Variants in CELF2 observed in about 807,000 individuals in gnomAD.
The protein encoded by CELF2 is CUGBP Elav-like family member 2, also known as CUG triplet repeat RNA-binding protein 2.
A neutral mutation model predicts 62.6 loss-of-function variants in CELF2; 8 were observed. The ratio of observed to expected loss-of-function variants is 0.13; its 90% CI spans 0.07 to 0.23. CELF2 has a LOEUF of 0.23. Among genes scored for constraint, CELF2 ranks in the 10% least tolerant of loss-of-function variants. The pLI is 1.00. For synonymous variants in CELF2, 258 were observed against 250.0 expected, an observed-to-expected ratio of 1.03 and a Z score of -0.30; for missense variants, 333 against 671.0, an observed-to-expected ratio of 0.50 and a Z score of 5.56.
chr10:10,886,534 T>C (rs1195171364), intron 1 of CELF2, among the ~76,000 whole-genome samples: 1 of 152,088 alleles, frequency 6.6e-6, no homozygotes, highest in East Asian at 1.9e-4. Flanking sequence ...TGAACGTGTA[T>C]GTGCATTAAA....
the CELF2 span, among the ~76,000 whole-genome samples, chr10:10,758,068 C>G: frequency 3.3e-5 from 5 of 152,172 alleles, no homozygotes; most frequent in African/African-American, 1.2e-4. Flanking sequence ...TGCAGATTTT[C>G]ATTTTGAACT....
chr10:11,093,765 T>A (rs377660536), intron 1 of CELF2, among the ~76,000 whole-genome samples: 2 of 152,222 alleles, frequency 1.3e-5, no homozygotes, highest in South Asian at 4.1e-4. Flanking sequence ...AAATTGTCTA[T>A]GTAATCTCAG....
In CELF2 at chr10:11,260,805, A is replaced by G. The variant is rs966284118; in HGVS notation, c.538+2933A>G. Among the ~76,000 whole-genome samples, 2 of 152,168 alleles carry G rather than the reference A, an allele frequency of 1.3e-5. No individual in the cohort carries two copies. Among genetic ancestry groups the G allele is most frequent in the South Asian group, 2.1e-4 (1 of 4,836 alleles). On this transcript the variant is annotated intron_variant, in intron 5 of 12. Coordinates refer to ENST00000633077, the MANE Select transcript of CELF2 (RefSeq NM_001326342.2). This position sits in a 1 kb window ranked among gnomAD's most constrained non-coding sequence, Gnocchi z 4.2. Reference sequence around the variant, plus strand: ...GACAGTGGTACTTTTTTCAATTCGCAGGACCCAGGGACTCCTGGCTACAGG... The same window carrying G: ...GACAGTGGTACTTTTTTCAATTCGCGGGACCCAGGGACTCCTGGCTACAGG...
chr10:11,056,665 T>G (rs1311304511), intron 1 of CELF2, among the ~76,000 whole-genome samples: 3 of 152,204 alleles, frequency 2.0e-5, no homozygotes, highest in East Asian at 3.8e-4. Context: ...GATTTATTTC[T>G]TGGTAGAAAT....
rs74115809 is a variant in CELF2 at position 11,260,983 on chromosome 10, C to T, written c.538+3111C>T. ...AAAGGGCATTCAGCATTTCTGTTCT[C>T]AGCGTCTATTGCTGGCTCAGCTGTT... On this transcript the variant is annotated intron_variant, in intron 5 of 12. Transcript: ENST00000633077. This position sits in a 1 kb window ranked among gnomAD's most constrained non-coding sequence, Gnocchi z 4.2. Among the ~76,000 whole-genome samples, 5,891 of 152,298 alleles carry T rather than the reference C, an allele frequency of 0.039. 412 individuals are homozygous for T. The highest frequency in any genetic ancestry group is 0.13 in the African/African-American group (5,595 of 41,532).
At chr10:10,864,823 T>G (rs1334257719) in intron 1 of CELF2, among the ~76,000 whole-genome samples, 2 of 152,178 alleles carry the variant, frequency 1.3e-5, no homozygotes, top group Admixed American at 6.5e-5. Context: ...TCACACTACT[T>G]CATGTGTCAT....
chr10:11,094,026 G>A (rs1318498271), intron 1 of CELF2, among the ~76,000 whole-genome samples: 1 of 152,100 alleles, frequency 6.6e-6, no homozygotes, highest in African/African-American at 2.4e-5. Flanking sequence ...CACAACAGTC[G>A]ATATGAGTTC....
intron 1 of CELF2, among the ~76,000 whole-genome samples, chr10:11,054,958 A>C (rs1033064838): frequency 6.6e-6 from 1 of 152,118 alleles, no homozygotes; most frequent in African/African-American, 2.4e-5. Context: ...CAGATGATCC[A>C]CCTGCCTCGG....
the CELF2 span, among the ~76,000 whole-genome samples, chr10:10,609,205 C>T: frequency 0.094 from 14,355 of 152,156 alleles, 980 homozygotes; most frequent in East Asian, 0.2. Context: ...TTAGCCAAGG[C>T]CACATGTGTT....
the CELF2 span, among the ~76,000 whole-genome samples, chr10:10,747,081 C>G: frequency 6.6e-6 from 1 of 152,104 alleles, no homozygotes; most frequent in Admixed American, 6.5e-5. Context: ...AAGATTTTTT[C>G]AAGGATAGGA....
chr10:11,091,836 A>G (rs1423928507), intron 1 of CELF2, among the ~76,000 whole-genome samples: 1 of 152,232 alleles, frequency 6.6e-6, no homozygotes, highest in Non-Finnish European at 1.5e-5. Context: ...TCAATCAAAT[A>G]CAGAATGAAC....
chr10:11,198,030 C>G (rs565768221), intron 2 of CELF2, among the ~76,000 whole-genome samples: 45 of 152,286 alleles, frequency 3.0e-4, no homozygotes, highest in African/African-American at 9.1e-4. Context: ...CAACATTAAC[C>G]AGTGATTTAT....
the CELF2 span, among the ~76,000 whole-genome samples, chr10:10,487,660 A>G: frequency 6.6e-6 from 1 of 152,130 alleles, no homozygotes; most frequent in Non-Finnish European, 1.5e-5. Flanking sequence ...TGCATATTTG[A>G]GAAGATGTTG....
intron 1 of CELF2, among the ~76,000 whole-genome samples, chr10:11,009,318 T>C (rs1451891163): frequency 7.7e-6 from 1 of 129,176 alleles, no homozygotes; most frequent in Non-Finnish European, 1.6e-5. Flanking sequence ...AGATGGAAGT[T>C]GTGTGTGTGT....
At position 10,915,096 on chromosome 10, in the gene CELF2, C is replaced by T. The variant is rs371906204; in HGVS notation, c.54-4868C>T. ...GCAGTGAGCCAAGGTCACACCATTG[C>T]ACTCCAGCGTGGGCGACAGAGTGAA... is the stretch of plus-strand genomic sequence containing the variant. On this transcript the variant is annotated intron_variant, in intron 1 of 13. Coordinates refer to the CELF2 transcript ENST00000636488. 8.7e-5 allele frequency among the ~76,000 whole-genome samples: 13 copies of T among 149,738 alleles called. No homozygotes were observed. In the South Asian group the frequency reaches 1.5e-3, roughly 17 times the overall value.
rs1041981000 is a variant in CELF2, at chr10:11,329,230, C to T, written c.*177C>T. The T allele has an allele frequency of 1.0e-5, 5 of 482,310 alleles. No homozygotes were observed. In the Admixed American group the frequency reaches 1.2e-4, roughly 12 times the overall value. The allele number at this position is 482,310 out of a possible 1,614,324, so 29.9% of individuals were successfully genotyped here. A position where few individuals can be genotyped will look rare whatever the true frequency, so the allele number is the denominator to read the frequency against. ...CACCCACTTCCCCTACCCAGTTTGCCATAATTAAAACTTGGGCTACTTTGT... is the reference window on the plus strand; with the variant it reads ...CACCCACTTCCCCTACCCAGTTTGCTATAATTAAAACTTGGGCTACTTTGT... On this transcript the variant is annotated 3_prime_UTR_variant, in exon 13 of 13. Coordinates refer to ENST00000633077, the MANE Select transcript of CELF2 (RefSeq NM_001326342.2). The surrounding 1 kb of genome is among the most constrained non-coding windows in gnomAD (Gnocchi z 5.5).
At chr10:11,104,933 A>C (rs1416013916) in intron 1 of CELF2, among the ~76,000 whole-genome samples, 3 of 152,176 alleles carry the variant, frequency 2.0e-5, no homozygotes. Context: ...ACTGAGCTGC[A>C]GGGGCAGCTG....
rs1476934986 is a variant in CELF2, at chr10:11,191,044, A to G, written c.271+25362A>G. Among the ~76,000 whole-genome samples, 1 of 152,196 alleles carries G rather than the reference A, an allele frequency of 6.6e-6. No individual in the cohort carries two copies. The highest frequency in any genetic ancestry group is 6.5e-5 in the Admixed American group (1 of 15,286). ...TCATGGACATCCTGGTCATGTGTAC[A>G]GAAAACTTAGAAGTAAATTAGGGTT... is the stretch of plus-strand genomic sequence containing the variant. On this transcript the variant is annotated intron_variant, in intron 2 of 12. Coordinates refer to ENST00000633077, the MANE Select transcript of CELF2 (RefSeq NM_001326342.2). The surrounding 1 kb of genome is among the most constrained non-coding windows in gnomAD (Gnocchi z 4.1).
chr10:11,325,716 CATCT>C (rs1381887523), intron 11 of CELF2, 116 bp from the exon 12 acceptor site: 8 of 811,536 alleles, frequency 9.9e-6, no homozygotes, highest in African/African-American at 1.7e-5. Flanking sequence ...GACATTTATC[CATCT>C]GTTTGTTTGT....
Sources: allele counts gnomAD v4.1 joint callset (sites outside exome capture counted in the v4.1 genomes callset), GRCh38; gene constraint gnomAD v4.1.1; non-coding constraint Gnocchi (gnomAD v3.1); transcripts MANE v1.5; gene names NCBI Gene and HGNC (gene_info 2026-07-23, HGNC 2026-07-21).